The following TBCA variants were observed in gnomAD, a reference collection of about 807,000 sequenced individuals.
The protein encoded by TBCA is tubulin-specific chaperone A.
A neutral mutation model predicts 15.8 loss-of-function variants in TBCA; 6 were observed. The observed-to-expected ratio is 0.38, with a 90% CI of 0.21 to 0.75. TBCA has a LOEUF of 0.75. Among genes scored for constraint, TBCA ranks in the 30% least tolerant of loss-of-function variants. The pLI, the probability that TBCA is intolerant of heterozygous loss-of-function variation, is 0.46. For synonymous variants in TBCA, 32 were observed against 42.3 expected, an observed-to-expected ratio of 0.76 and a Z score of 0.94; for missense variants, 90 against 131.2, an observed-to-expected ratio of 0.69 and a Z score of 1.53.
intron 1 of TBCA, among the ~76,000 whole-genome samples, chr5:77,747,509 A>G (rs16874585): frequency 0.049 from 7,428 of 152,248 alleles, 487 homozygotes; most frequent in African/African-American, 0.15. Context: ...GCAAGCGTCT[A>G]TAACTGCTCA....
intron 1 of TBCA, among the ~76,000 whole-genome samples, chr5:77,715,549 C>T (rs1746378062): frequency 6.6e-6 from 1 of 152,026 alleles, no homozygotes; most frequent in South Asian, 2.1e-4. Flanking sequence ...CTCCAGGAAC[C>T]TCATCCCCCT....
chr5:77,710,543 TA>T lies in TBCA; in HGVS notation c.54-2197del, dbSNP rs1238864084. On this transcript the variant is annotated intron_variant, in intron 1 of 3. Transcript: ENST00000380377. ...ATGTTAAAAACAAAGAATATTTGTTTAAAAAAAATGTTGTCACATTAAAAAG... is the reference window on the plus strand; with the variant it reads ...ATGTTAAAAACAAAGAATATTTGTTTAAAAAAATGTTGTCACATTAAAAAG... Among the ~76,000 whole-genome samples, 11 of 152,114 alleles carry T rather than the reference TA, an allele frequency of 7.2e-5. No individual in the cohort carries two copies. The South Asian group carries it at 1.0e-3, about 14-fold the overall frequency.
chr5:77,723,860 ATG>A (rs1746575384), intron 1 of TBCA, among the ~76,000 whole-genome samples: 1 of 152,058 alleles, frequency 6.6e-6, no homozygotes, highest in Admixed American at 6.6e-5. Flanking sequence ...ACTTCTTATG[ATG>A]TGTGTGGGAG....
intron 2 of TBCA, among the ~76,000 whole-genome samples, chr5:77,698,568 T>G (rs1745928051): frequency 1.3e-5 from 2 of 152,270 alleles, no homozygotes; most frequent in African/African-American, 4.8e-5. Context: ...CAATAGACAA[T>G]TCTACCAAAC....
At chr5:77,725,764 T>G (rs1384007298) in intron 1 of TBCA, among the ~76,000 whole-genome samples, 2 of 152,210 alleles carry the variant, frequency 1.3e-5, no homozygotes, top group African/African-American at 4.8e-5. Context: ...TCAGGCATCT[T>G]GTAATAGTTA....
At chr5:77,738,894 G>T (rs1372325605) in intron 1 of TBCA, among the ~76,000 whole-genome samples, 1 of 152,044 alleles carries the variant, frequency 6.6e-6, no homozygotes, top group Non-Finnish European at 1.5e-5. Flanking sequence ...CAAGTCACCA[G>T]CTACTTCTAC....
chr5:77,700,386 G>A (rs545286370), intron 2 of TBCA, among the ~76,000 whole-genome samples: 1 of 152,006 alleles, frequency 6.6e-6, no homozygotes, highest in Non-Finnish European at 1.5e-5. Flanking sequence ...TCCAATTAGT[G>A]GGCAAAAGGC....
chr5:77,699,033 CAAAAAAAAAAAAAA>C (rs71608119), intron 2 of TBCA, among the ~76,000 whole-genome samples: 1 of 70,100 alleles, frequency 1.4e-5, no homozygotes, highest in African/African-American at 6.4e-5. Flanking sequence ...GCAAGAGCAT[CAAAAAAAAAAAAAA>C]AAAAAAAAAA....
At chr5:77,763,778 T>C (rs1217220952) in intron 1 of TBCA, among the ~76,000 whole-genome samples, 1 of 152,156 alleles carries the variant, frequency 6.6e-6, no homozygotes, top group African/African-American at 2.4e-5. Context: ...ATTCTATCAT[T>C]TATAAGCCAC....
chr5:77,757,852 T>A (rs1747512161), intron 1 of TBCA, among the ~76,000 whole-genome samples: 1 of 152,138 alleles, frequency 6.6e-6, no homozygotes, highest in South Asian at 2.1e-4. Context: ...CTTTTATATA[T>A]TTTAGAGAGA....
chr5:77,757,080 G>C (rs1161686015), intron 1 of TBCA, among the ~76,000 whole-genome samples: 1 of 152,108 alleles, frequency 6.6e-6, no homozygotes. Flanking sequence ...CAAGTGTAAG[G>C]AATTTTAGCC....
At chr5:77,776,132 C>G (rs552062752) in intron 1 of TBCA, 73 bp downstream of exon 1, 1 of 1,537,014 alleles carries the variant, frequency 6.5e-7, no homozygotes, top group African/African-American at 1.4e-5. Context: ...CTCGGGCCTG[C>G]GCTCCGCTCA....
chr5:77,727,828 A>T (rs1208749906), intron 1 of TBCA, among the ~76,000 whole-genome samples: 2 of 152,214 alleles, frequency 1.3e-5, no homozygotes, highest in East Asian at 1.9e-4. Flanking sequence ...CTAATAAGAC[A>T]AAGTCCAAAA....
At chr5:77,722,073 C>T (rs1746541223) in intron 1 of TBCA, among the ~76,000 whole-genome samples, 1 of 152,006 alleles carries the variant, frequency 6.6e-6, no homozygotes, top group Admixed American at 6.6e-5. Context: ...TTTTTGCAAG[C>T]TGTTGTTCTG....
chr5:77,720,651 T>C (rs1012214678), intron 1 of TBCA, among the ~76,000 whole-genome samples: 1 of 152,052 alleles, frequency 6.6e-6, no homozygotes, highest in African/African-American at 2.4e-5. Context: ...GAGGCTGAGG[T>C]TGCAGTGAGC....
At chr5:77,757,003 A>AT (rs968691757) in intron 1 of TBCA, among the ~76,000 whole-genome samples, 46 of 151,810 alleles carry the variant, frequency 3.0e-4, no homozygotes, top group Non-Finnish European at 3.1e-4. Flanking sequence ...TGAAAGAACA[A>AT]TTTTTTTTTA....
intron 3 of TBCA, 195 bp from the exon 4 acceptor site, chr5:77,691,693 A>G: frequency 7.5e-7 from 1 of 1,329,084 alleles, no homozygotes; most frequent in Non-Finnish European, 9.6e-7. Context: ...AGGAAGAAAT[A>G]ACTGGTGGTT....
chr5:77,739,055 A>T (rs964118156), intron 1 of TBCA, among the ~76,000 whole-genome samples: 5 of 152,224 alleles, frequency 3.3e-5, no homozygotes, highest in Admixed American at 6.5e-5. Flanking sequence ...ATAAGTAGTA[A>T]ATATAAGAAA....
intron 1 of TBCA, among the ~76,000 whole-genome samples, chr5:77,772,907 A>G (rs751169177): frequency 1.3e-5 from 2 of 152,240 alleles, no homozygotes; most frequent in Non-Finnish European, 2.9e-5. Flanking sequence ...TAGAATATGT[A>G]TTGTCAGCAT....
Sources: allele counts gnomAD v4.1 joint callset (sites outside exome capture counted in the v4.1 genomes callset), GRCh38; gene constraint gnomAD v4.1.1; transcripts MANE v1.5; gene names NCBI Gene and HGNC (gene_info 2026-07-23, HGNC 2026-07-21).